The following AIMP2 variants were observed in gnomAD, a reference collection of about 807,000 sequenced individuals.
AIMP2 encodes aminoacyl tRNA synthetase complex interacting multifunctional protein 2.
A neutral mutation model predicts 23.4 loss-of-function variants in AIMP2; 20 were observed. The ratio of observed to expected loss-of-function variants is 0.85; its 90% confidence interval spans 0.60 to 1.24. AIMP2 has a LOEUF of 1.24. AIMP2 is among the 50% of genes most tolerant of loss of function. AIMP2 has a pLI of 0.00. For synonymous variants in AIMP2, 210 were observed against 170.4 expected (o/e 1.23, Z -1.81); for missense variants, 515 against 414.5 (o/e 1.24, Z -2.10).
intron 1 of AIMP2, among the ~76,000 whole-genome samples, chr7:6,009,749 G>C (rs1410125038): frequency 2.7e-5 from 4 of 150,452 alleles, no homozygotes; most frequent in Admixed American, 1.3e-4. Flanking sequence ...TCAGGAGTTC[G>C]AGACTAGCCT....
intron 3 of AIMP2, among the ~76,000 whole-genome samples, chr7:6,021,479 C>G (rs1390480739): frequency 6.6e-6 from 1 of 151,962 alleles, no homozygotes; most frequent in African/African-American, 2.4e-5. Context: ...CCTGGAGAAA[C>G]CTGTGTCCAG....
intron 1 of AIMP2, chr7:6,012,860 A>G (rs74608953): frequency 5.0e-6 from 5 of 994,222 alleles, no homozygotes; most frequent in Non-Finnish European, 6.0e-6. Context: ...CCAGCACTCA[A>G]TAATTTAATT....
At chr7:6,015,014 C>A in intron 1 of AIMP2, 132 bp from the exon 2 acceptor site, 1 of 1,530,438 alleles carries the variant, frequency 6.5e-7, no homozygotes, top group African/African-American at 1.4e-5. Context: ...GCCACCACAC[C>A]CAGCCCATAA....
At chr7:6,020,255 T>TA (rs1360875239) in intron 3 of AIMP2, among the ~76,000 whole-genome samples, 1 of 152,016 alleles carries the variant, frequency 6.6e-6, no homozygotes, top group Non-Finnish European at 1.5e-5. Flanking sequence ...ACCCCATCTC[T>TA]ATTAAAGGCA....
intron 3 of AIMP2, among the ~76,000 whole-genome samples, chr7:6,018,428 G>C (rs1002010672): frequency 1.3e-5 from 2 of 151,344 alleles, no homozygotes; most frequent in African/African-American, 4.9e-5. Flanking sequence ...GATTACAGGC[G>C]TGAGCCACCA....
chr7:6,011,114 T>C (rs1285416447), intron 1 of AIMP2, among the ~76,000 whole-genome samples: 1 of 152,212 alleles, frequency 6.6e-6, no homozygotes, highest in Non-Finnish European at 1.5e-5. Flanking sequence ...TGGATTGTTT[T>C]CCATTTTAAC....
At chr7:6,016,928 C>G in intron 2 of AIMP2, 1 of 162,466 alleles carries the variant, frequency 6.2e-6, no homozygotes, top group East Asian at 1.6e-4. Context: ...TCATAGTGCC[C>G]CATGCCAGAG....
At chr7:6,017,638 C>T (rs866576534) in intron 2 of AIMP2, among the ~76,000 whole-genome samples, 176 bp from the exon 3 acceptor site, 1 of 152,114 alleles carries the variant, frequency 6.6e-6, no homozygotes, top group Non-Finnish European at 1.5e-5. Flanking sequence ...TCCACTCCGT[C>T]CTGAGCGAGT....
rs764803060 is a variant in AIMP2 at position 6,023,415 on chromosome 7, C to T, written c.687C>T (p.Asn229=). Residue 229 remains asparagine, a synonymous_variant, in exon 4 of 4, where the codon AAC becomes AAT. Transcript: ENST00000223029. The part of the protein sequence containing the change: ...SLFGQKHNAV[N]ATLIDSWVDI... ...TTGGCCAGAAGCATAATGCTGTCAA[C>T]GCAACCCTTATAGATAGCTGGGTAG... The T allele has an allele frequency of 4.2e-5, 68 of 1,614,078 alleles. No homozygotes were observed. The highest frequency in any genetic ancestry group is 5.0e-5 in the Admixed American group (3 of 59,990).
At chr7:6,020,647 C>T (rs1309670089) in intron 3 of AIMP2, among the ~76,000 whole-genome samples, 4 of 152,192 alleles carry the variant, frequency 2.6e-5, no homozygotes, top group Non-Finnish European at 5.9e-5. Flanking sequence ...ACAGGAGAAG[C>T]AGCTTCCGCC....
At chr7:6,014,500 C>T (rs1327537971) in intron 1 of AIMP2, among the ~76,000 whole-genome samples, 1 of 71,246 alleles carries the variant, frequency 1.4e-5, no homozygotes, top group Non-Finnish European at 2.9e-5. Context: ...TCAGGTGATC[C>T]ACCTGCCCTC....
At chr7:6,009,836 C>T (rs1786434190) in intron 1 of AIMP2, among the ~76,000 whole-genome samples, 1 of 148,418 alleles carries the variant, frequency 6.7e-6, no homozygotes, top group Admixed American at 6.8e-5. Flanking sequence ...GTAATCCCAG[C>T]TACTCGGGAG....
At chr7:6,014,460 G>T (rs1786890948) in intron 1 of AIMP2, among the ~76,000 whole-genome samples, 1 of 151,346 alleles carries the variant, frequency 6.6e-6, no homozygotes, top group Admixed American at 6.6e-5. Flanking sequence ...GTTTCACCAT[G>T]TTGGCCAGGC....
In AIMP2 at chr7:6,011,567, C is replaced by T. The variant is rs983616643; in HGVS notation, c.135+2069C>T. On this transcript the variant is annotated intron_variant, in intron 1 of 3. Coordinates refer to ENST00000223029, the MANE Select transcript of AIMP2 (RefSeq NM_006303.4). ...CGGTAACTTTTCTGGTCTGTTTTCC[C>T]ACTGCTTGTTATCCTTCTGTTTTCT... Among the ~76,000 whole-genome samples the T allele has an allele frequency of 3.3e-5, 5 of 152,172 alleles. No homozygotes were observed. In the East Asian group the frequency reaches 7.7e-4, roughly 23 times the overall value.
intron 1 of AIMP2, among the ~76,000 whole-genome samples, chr7:6,011,211 G>A (rs1021783682): frequency 1.3e-5 from 2 of 152,134 alleles, no homozygotes; most frequent in African/African-American, 2.4e-5. Flanking sequence ...CTGGCTCAGC[G>A]GCCCGCCTGG....
Position 6,018,816 on chromosome 7 carries a change from A to T in AIMP2, c.574+771A>T, listed in dbSNP as rs1787198466. ...GCCATTGTATTCCAGCCTGGGCGACAGAACGAGACTCCATCTCAAAAAAGA... is the reference window on the plus strand; with the variant it reads ...GCCATTGTATTCCAGCCTGGGCGACTGAACGAGACTCCATCTCAAAAAAGA... On this transcript the variant is annotated intron_variant, in intron 3 of 3. Coordinates refer to ENST00000223029, the MANE Select transcript of AIMP2 (RefSeq NM_006303.4). 2.6e-5 allele frequency among the ~76,000 whole-genome samples: 4 copies of T among 152,152 alleles called. No homozygotes were observed. In the South Asian group the frequency reaches 8.3e-4, roughly 31 times the overall value.
rs776366708 is a variant in AIMP2, at chr7:6,023,306, C to T, written c.578C>T (p.Pro193Leu). Residue 193 changes from proline (P) to leucine (L), a missense_variant, in exon 4 of 4, where the codon CCG (proline) becomes CTG (leucine). By Grantham distance (98) the Pro-to-Leu change is moderately conservative (BLOSUM62 -3). Coordinates refer to ENST00000223029, the MANE Select transcript of AIMP2 (RefSeq NM_006303.4). ...CTGGCGTGTTTTTTCTTTTCAGTGC[C>T]GAAGACGCAGATGAAATTCAGCATC... The part of the protein sequence containing the change: ...LGFTLIWKNV[P>L]KTQMKFSIQT... 194 of 1,592,264 alleles carry T rather than the reference C, an allele frequency of 1.2e-4. No homozygotes were observed. Among genetic ancestry groups the T allele is most frequent in the Middle Eastern group, 1.7e-4 (1 of 5,910 alleles).
chr7:6,011,623 C>T (rs948963120), intron 1 of AIMP2, among the ~76,000 whole-genome samples: 3 of 152,168 alleles, frequency 2.0e-5, no homozygotes, highest in African/African-American at 7.2e-5. Context: ...TCAGGAGGGA[C>T]AGACTTTCTT....
intron 3 of AIMP2, among the ~76,000 whole-genome samples, chr7:6,018,348 C>G (rs1239721644): frequency 4.0e-5 from 6 of 150,402 alleles, no homozygotes; most frequent in Non-Finnish European, 8.9e-5. Flanking sequence ...CGGGGTTTCA[C>G]TATATTGGTC....
Sources: gnomAD v4.1 joint callset for allele counts (sites outside exome capture counted in the v4.1 genomes callset) on GRCh38, gnomAD v4.1.1 for gene constraint, MANE v1.5 for transcripts, NCBI Gene and HGNC (gene_info 2026-07-23, HGNC 2026-07-21) for gene names.